The following CR1L variants were observed in gnomAD, a reference collection of about 807,000 sequenced individuals.
The protein encoded by CR1L is complement component receptor 1-like protein.
CR1L carries 59 observed loss-of-function variants against 62.3 expected under a neutral mutation model. That is an observed-to-expected ratio of 0.95 (90% confidence interval 0.77 to 1.18). The LOEUF is 1.18. CR1L is among the 50% of genes most tolerant of loss of function. The pLI, the probability that CR1L is intolerant of heterozygous loss-of-function variation, is 0.00. For missense variants in CR1L, 700 were observed against 702.8 expected (o/e 1.00, Z 0.04); for synonymous variants, 279 against 248.7 (o/e 1.12, Z -1.15).
At chr1:207,657,062 A>C (rs1663325351) in intron 1 of CR1L, 3 of 590,432 alleles carry the variant, frequency 5.1e-6, no homozygotes, top group Admixed American at 5.9e-5. Flanking sequence ...GAAGACACAG[A>C]AATTTTACTA....
At chr1:207,709,610 G>A (rs1221295033) in intron 10 of CR1L, among the ~76,000 whole-genome samples, 1 of 152,162 alleles carries the variant, frequency 6.6e-6, no homozygotes, top group Admixed American at 6.5e-5. Context: ...CCCAAGGTAG[G>A]TGGATCACTT....
chr1:207,722,706 GATGTA>G (rs1654165769), intron 11 of CR1L, among the ~76,000 whole-genome samples: 1 of 152,124 alleles, frequency 6.6e-6, no homozygotes, highest in Non-Finnish European at 1.5e-5. Context: ...AAAAAGTAAG[GATGTA>G]ATGTAACGAA....
At chr1:207,669,403 T>C (rs1471704641) in intron 1 of CR1L, 2 of 489,300 alleles carry the variant, frequency 4.1e-6, no homozygotes, top group African/African-American at 8.6e-5. Flanking sequence ...TATTTCAGTT[T>C]TCTTCGAGAT....
At chr1:207,678,151 A>C (rs77643396) in intron 2 of CR1L, 47 bp from the exon 3 acceptor site, 30 of 1,570,210 alleles carry the variant, frequency 1.9e-5, no homozygotes, top group Non-Finnish European at 2.6e-5. Context: ...CTAAAAAAAA[A>C]TTCAGTTTAC....
At chr1:207,651,065 G>A (rs530208907) in intron 1 of CR1L, among the ~76,000 whole-genome samples, 2 of 152,108 alleles carry the variant, frequency 1.3e-5, no homozygotes, top group Non-Finnish European at 2.9e-5. Context: ...GATTACAGAC[G>A]TGAGCCACTG....
chr1:207,701,668 C>A (rs754920976), intron 9 of CR1L, 50 bp downstream of exon 9: 2 of 1,610,972 alleles, frequency 1.2e-6, no homozygotes, highest in East Asian at 2.2e-5. Context: ...CACAGCAATA[C>A]TACCTTCTAG....
Position 207,679,787 on chromosome 1 carries a change from T to C in CR1L, c.377+1490T>C, listed in dbSNP as rs369973596. On this transcript the variant is annotated intron_variant, in intron 3 of 11. Transcript: ENST00000508064. ...CAAAAAGAAATGAGCTATCAAGCCA[T>C]GAAGAGACATAGAGGAACCTTAAAT... is the stretch of plus-strand genomic sequence containing the variant. 9.2e-5 allele frequency among the ~76,000 whole-genome samples: 14 copies of C among 152,288 alleles called. No homozygotes were observed. The East Asian group carries it at 2.7e-3, about 29-fold the overall frequency.
intron 8 of CR1L, among the ~76,000 whole-genome samples, chr1:207,700,921 C>T (rs773698211): frequency 1.4e-4 from 22 of 152,306 alleles, no homozygotes; most frequent in Non-Finnish European, 1.6e-4. Flanking sequence ...AGTAAGTAAA[C>T]TTGCACTGGA....
At chr1:207,674,745 C>A (rs910803305) in intron 1 of CR1L, among the ~76,000 whole-genome samples, 4 of 152,296 alleles carry the variant, frequency 2.6e-5, no homozygotes, top group African/African-American at 9.6e-5. Context: ...CACTTGGAAT[C>A]TCTTCCTTTG....
chr1:207,722,893 C>T (rs1259954235), intron 11 of CR1L, among the ~76,000 whole-genome samples: 1 of 151,996 alleles, frequency 6.6e-6, no homozygotes, highest in Non-Finnish European at 1.5e-5. Flanking sequence ...TTAAGGGTTT[C>T]ATGAGAAAGA....
intron 9 of CR1L, chr1:207,701,857 A>G (rs186030180): frequency 3.0e-6 from 2 of 662,900 alleles, no homozygotes; most frequent in Admixed American, 4.3e-5. Flanking sequence ...GATGGGAAGG[A>G]AAAAAAATTA....
At chr1:207,706,181 A>G (rs1009358710) in intron 9 of CR1L, among the ~76,000 whole-genome samples, 34 of 152,032 alleles carry the variant, frequency 2.2e-4, no homozygotes, top group Admixed American at 1.6e-3. Context: ...CAACACTGAG[A>G]GGCCGAAGCA....
At chr1:207,706,246 C>T (rs1664266368) in intron 9 of CR1L, among the ~76,000 whole-genome samples, 1 of 151,436 alleles carries the variant, frequency 6.6e-6, no homozygotes, top group Admixed American at 6.6e-5. Context: ...AAGGCAAAAC[C>T]CCATCTCTAC....
At chr1:207,690,101 T>A (rs1045276788) in intron 4 of CR1L, among the ~76,000 whole-genome samples, 5 of 152,114 alleles carry the variant, frequency 3.3e-5, no homozygotes, top group African/African-American at 9.6e-5. Flanking sequence ...GTGACTATTT[T>A]CTCTTTTACT....
chr1:207,647,513 C>T (rs1663145454), intron 1 of CR1L, among the ~76,000 whole-genome samples: 1 of 152,206 alleles, frequency 6.6e-6, no homozygotes, highest in Non-Finnish European at 1.5e-5. Flanking sequence ...CATCAGAATG[C>T]AGGAATCTTC....
chr1:207,686,163 CCTTCCTTCCT>C (rs1161999116), intron 4 of CR1L, among the ~76,000 whole-genome samples: 11 of 108,382 alleles, frequency 1.0e-4, no homozygotes, highest in Admixed American at 3.3e-4. Context: ...TTCCTTCCTT[CCTTCCTTCCT>C]TCCTTCCCTC....
intron 1 of CR1L, among the ~76,000 whole-genome samples, chr1:207,662,252 G>C (rs1021457214): frequency 2.0e-5 from 3 of 152,146 alleles, no homozygotes; most frequent in African/African-American, 7.2e-5. Flanking sequence ...TTTCCAACTT[G>C]GTTCCATTCT....
intron 1 of CR1L, among the ~76,000 whole-genome samples, chr1:207,649,508 C>G (rs1663189355): frequency 6.6e-6 from 1 of 152,126 alleles, no homozygotes; most frequent in Non-Finnish European, 1.5e-5. Flanking sequence ...GTTTTAATTT[C>G]CCGAGACACA....
chr1:207,686,935 A>C (rs1337094536), intron 4 of CR1L, among the ~76,000 whole-genome samples: 1 of 152,224 alleles, frequency 6.6e-6, no homozygotes, highest in African/African-American at 2.4e-5. Context: ...TGAATCTGCC[A>C]GAGAGGTTGG....
Sources: allele counts gnomAD v4.1 joint callset (sites outside exome capture counted in the v4.1 genomes callset), GRCh38; gene constraint gnomAD v4.1.1; transcripts MANE v1.5; gene names NCBI Gene and HGNC (gene_info 2026-07-23, HGNC 2026-07-21).